Variants in F13A1 observed in about 807,000 individuals in gnomAD.
F13A1 encodes the protein FSF, A subunit.
In F13A1, 47 loss-of-function variants were observed where a neutral mutation model predicts 80.1. The ratio of observed to expected loss-of-function variants is 0.59; its 90% CI spans 0.46 to 0.75. The LOEUF (loss-of-function observed/expected upper bound fraction) is 0.75, where lower values mean the gene tolerates loss of function less well. F13A1 is among the 30% of genes least tolerant of loss of function. F13A1 has a pLI of 0.00. For missense variants in F13A1, 817 were observed against 930.4 expected (o/e 0.88, Z 1.59); for synonymous variants, 349 against 344.9 (o/e 1.01, Z -0.13).
rs1164034636 is a variant in F13A1 at position 6,195,849 on chromosome 6, A to G, written c.1253T>C (p.Ile418Thr). ...YRCGPASVQA[I>T]KHGHVCFQFD... is the part of the protein sequence containing the mutation. ...TTGGAAGCAGACATGGCCGTGCTTG[A>G]TGGCTTGAACCGAGGCGGGGCCACA... Residue 418 changes from isoleucine to threonine, a missense_variant, in exon 10 of 15, where the codon ATC becomes ACC. Transcript: ENST00000264870. The G allele has an allele frequency of 1.2e-6, 2 of 1,614,212 alleles. No individual in the cohort carries two copies. The highest frequency in any genetic ancestry group is 1.3e-5 in the African/African-American group (1 of 75,066).
rs60495036 is a variant in F13A1 at position 6,253,162 on chromosome 6, AAG to A, written c.572-2235_572-2234del. Among the ~76,000 whole-genome samples the A allele has an allele frequency of 8.2e-3, 870 of 106,294 alleles. 27 individuals carry two copies. Among genetic ancestry groups the A allele is most frequent in the African/African-American group, 0.011 (243 of 22,982 alleles). 69.7% of individuals were successfully genotyped at this position (106,294 alleles called of 152,430 possible). ...TGTCCCAAAAAAAAAAAAAAAAAAA[AAG>A]AGAGAGAGAGAGAGAGAAAATAGCC... On this transcript the variant is annotated intron_variant, in intron 4 of 14. Coordinates refer to ENST00000264870, the MANE Select transcript of F13A1 (RefSeq NM_000129.4).
intron 6 of F13A1, among the ~76,000 whole-genome samples, chr6:6,229,186 A>G (rs1388591762): frequency 1.3e-5 from 2 of 152,178 alleles, no homozygotes; most frequent in South Asian, 2.1e-4. Context: ...GAGCATAAAT[A>G]TAGGGAAAAG....
At chr6:6,272,761 CAG>C (rs1757939888) in intron 3 of F13A1, among the ~76,000 whole-genome samples, 1 of 152,194 alleles carries the variant, frequency 6.6e-6, no homozygotes, top group Admixed American at 6.5e-5. Context: ...CCTACAACAA[CAG>C]AAAGTCCAGA....
chr6:6,194,233 T>C (rs1350702822), intron 10 of F13A1, among the ~76,000 whole-genome samples: 1 of 152,032 alleles, frequency 6.6e-6, no homozygotes, highest in Non-Finnish European at 1.5e-5. Flanking sequence ...AAACTCTCCC[T>C]CACTTACAGG....
chr6:6,318,776 C>T, intron 1 of F13A1, 94 bp from the exon 2 acceptor site: 1 of 1,372,630 alleles, frequency 7.3e-7, no homozygotes, highest in East Asian at 2.3e-5. Context: ...ACAGATATAT[C>T]TGTGTGTGAT....
chr6:6,167,345 TTGAGCA>T, intron 13 of F13A1, 107 bp downstream of exon 13: 1 of 835,492 alleles, frequency 1.2e-6, no homozygotes. Context: ...TTTTTTTTTT[TTGAGCA>T]GGACATTCAT....
At chr6:6,177,754 G>C (rs1427210153) in intron 11 of F13A1, among the ~76,000 whole-genome samples, 1 of 152,220 alleles carries the variant, frequency 6.6e-6, no homozygotes, top group East Asian at 1.9e-4. Flanking sequence ...AACACGTGAA[G>C]AGCAATGGCA....
chr6:6,247,649 T>TGCAGA (rs906053579), intron 6 of F13A1, among the ~76,000 whole-genome samples: 2 of 152,150 alleles, frequency 1.3e-5, no homozygotes, highest in Non-Finnish European at 2.9e-5. Flanking sequence ...TAGGATATCC[T>TGCAGA]GCAGAGAGCG....
chr6:6,193,668 T>C (rs1433530239), intron 10 of F13A1, among the ~76,000 whole-genome samples: 1 of 152,198 alleles, frequency 6.6e-6, no homozygotes, highest in African/African-American at 2.4e-5. Flanking sequence ...CTATATTTAA[T>C]AATAGCAAAA....
intron 11 of F13A1, among the ~76,000 whole-genome samples, chr6:6,180,718 A>C (rs1268413384): frequency 6.6e-6 from 1 of 152,224 alleles, no homozygotes; most frequent in African/African-American, 2.4e-5. Flanking sequence ...GAAGCATTTA[A>C]AAAATACAGT....
intron 4 of F13A1, among the ~76,000 whole-genome samples, chr6:6,257,025 T>C (rs550206366): frequency 4.3e-4 from 66 of 152,166 alleles, no homozygotes; most frequent in Non-Finnish European, 7.5e-4. Context: ...AAAGGCAAAA[T>C]GAGTCACCAT....
rs565986279 is a variant in F13A1 at position 6,243,115 on chromosome 6, A to G, written c.798+5197T>C. Among the ~76,000 whole-genome samples, 4 of 152,042 alleles carry G rather than the reference A, an allele frequency of 2.6e-5. No homozygotes were observed. In the East Asian group the frequency reaches 7.7e-4, roughly 29 times the overall value. Reference sequence around the variant, plus strand: ...GTGTTTTACCACCATCACCACCACCACTACCACTATCACCACCATCATAAA... The same window carrying G: ...GTGTTTTACCACCATCACCACCACCGCTACCACTATCACCACCATCATAAA... On this transcript the variant is annotated intron_variant, in intron 6 of 14. Coordinates refer to ENST00000264870, the MANE Select transcript of F13A1 (RefSeq NM_000129.4). This position sits in a 1 kb window ranked among gnomAD's most constrained non-coding sequence, Gnocchi z 4.2.
chr6:6,218,757 G>A (rs1757142558), intron 8 of F13A1, among the ~76,000 whole-genome samples: 3 of 152,194 alleles, frequency 2.0e-5, no homozygotes, highest in Non-Finnish European at 4.4e-5. Flanking sequence ...AAACCAGGAA[G>A]CAGTCTGTCC....
chr6:6,285,876 C>A (rs1441844306), intron 3 of F13A1, among the ~76,000 whole-genome samples: 1 of 152,200 alleles, frequency 6.6e-6, no homozygotes, highest in East Asian at 1.9e-4. Flanking sequence ...CTCAGGCATG[C>A]GCACTAAGAG....
At position 6,250,969 on chromosome 6, in the gene F13A1, G is replaced by A. The variant is rs775396841; in HGVS notation, c.572-40C>T. ...AAACATAGTGACTATTACCAAACCA[G>A]ACTGTTTCCAAACACTTGCAAGTTT... On this transcript the variant is annotated intron_variant, in intron 4 of 14. Coordinates refer to ENST00000264870, the MANE Select transcript of F13A1 (RefSeq NM_000129.4). This position sits in a 1 kb window ranked among gnomAD's most constrained non-coding sequence, Gnocchi z 4.2. 1 of 1,400,882 alleles carries A rather than the reference G, an allele frequency of 7.1e-7. No individual in the cohort carries two copies. The highest frequency in any genetic ancestry group is 1.1e-5 in the South Asian group (1 of 87,002). The allele number at this position is 1,400,882 out of a possible 1,614,324, so 86.8% of individuals were successfully genotyped here. A position where few individuals can be genotyped will look rare whatever the true frequency, so the allele number is the denominator to read the frequency against.
At chr6:6,280,802 C>A (rs1453742800) in intron 3 of F13A1, among the ~76,000 whole-genome samples, 11 of 152,186 alleles carry the variant, frequency 7.2e-5, no homozygotes, top group Non-Finnish European at 1.5e-4. Flanking sequence ...AAGGTCACTG[C>A]TGAGTACCTC....
At chr6:6,230,607 A>G (rs1757337705) in intron 6 of F13A1, among the ~76,000 whole-genome samples, 1 of 152,132 alleles carries the variant, frequency 6.6e-6, no homozygotes, top group African/African-American at 2.4e-5. Context: ...GCTCTCTGGA[A>G]AGCACCACCT....
At chr6:6,217,669 AAAGTAT>A (rs1377194848) in intron 8 of F13A1, among the ~76,000 whole-genome samples, 1 of 152,148 alleles carries the variant, frequency 6.6e-6, no homozygotes, top group African/African-American at 2.4e-5. Flanking sequence ...CCTAAAACTT[AAAGTAT>A]AATAATAAAA....
At chr6:6,259,316 G>T (rs921473034) in intron 4 of F13A1, among the ~76,000 whole-genome samples, 3 of 152,054 alleles carry the variant, frequency 2.0e-5, no homozygotes, top group African/African-American at 7.2e-5. Flanking sequence ...TATGAAAGGG[G>T]CTAAAAAGAC....
Sources: gnomAD v4.1 joint callset for allele counts (sites outside exome capture counted in the v4.1 genomes callset) on GRCh38, gnomAD v4.1.1 for gene constraint, Gnocchi (gnomAD v3.1) non-coding constraint, MANE v1.5 for transcripts, NCBI Gene and HGNC (gene_info 2026-07-23, HGNC 2026-07-21) for gene names.